The following B9D1 variants were observed in gnomAD, a reference collection of about 807,000 sequenced individuals.
B9D1 encodes B9 domain-containing protein 1.
A neutral mutation model predicts 26.1 loss-of-function variants in B9D1; 20 were observed. The observed-to-expected ratio is 0.77, with a 90% CI of 0.54 to 1.12. B9D1 has a LOEUF of 1.12. Among genes scored for constraint, B9D1 ranks in the 50% most tolerant of loss-of-function variants. The pLI, the probability that B9D1 is intolerant of heterozygous loss-of-function variation, is 0.00. For synonymous variants in B9D1, 105 were observed against 103.1 expected (o/e 1.02, Z -0.11); for missense variants, 260 against 273.7 (o/e 0.95, Z 0.35).
chr17:19,338,751 CCCCCATGAG>C (rs1907668685), downstream of B9D1, among the ~76,000 whole-genome samples: 1 of 152,196 alleles, frequency 6.6e-6, no homozygotes, highest in African/African-American at 2.4e-5. Flanking sequence ...CTGTCAGTAG[CCCCCATGAG>C]CCCCAGACAA....
chr17:19,350,433 C>T (rs919655190), intron 3 of B9D1, among the ~76,000 whole-genome samples: 1 of 151,966 alleles, frequency 6.6e-6, no homozygotes, highest in African/African-American at 2.4e-5. Context: ...GTAGTCCCAG[C>T]TACTCCGGAG....
chr17:19,340,129 G>A (rs1210278781), downstream of B9D1, among the ~76,000 whole-genome samples: 1 of 150,728 alleles, frequency 6.6e-6, no homozygotes, highest in African/African-American at 2.4e-5. Context: ...GATGCAAGGA[G>A]CTTTGTGAAG....
Position 19,370,549 on chromosome 17 carries a change from G to C in B9D1, c.-298+7310C>G, listed in dbSNP as rs1466676213. Among the ~76,000 whole-genome samples, 1 of 152,236 alleles carries C rather than the reference G, an allele frequency of 6.6e-6. No individual in the cohort carries two copies. Among genetic ancestry groups the C allele is most frequent in the Non-Finnish European group, 1.5e-5 (1 of 68,040 alleles). On this transcript the variant is annotated intron_variant, in intron 1 of 5. Transcript: ENST00000477478. This position sits in a 1 kb window ranked among gnomAD's most constrained non-coding sequence, Gnocchi z 5.1. The stretch of plus-strand genomic sequence containing the variant: ...ATGTCAGCCTCAGTGTGTTTGCTCA[G>C]CTGCTGGGCTCTCTTGGGACCATAG...
chr17:19,349,115 C>G (rs1163819781), intron 3 of B9D1, among the ~76,000 whole-genome samples: 1 of 152,202 alleles, frequency 6.6e-6, no homozygotes, highest in Non-Finnish European at 1.5e-5. Context: ...GCCAGCACTC[C>G]CCCAGCAGTG....
In B9D1 at chr17:19,347,783, C is replaced by T. The variant is rs1244263113; in HGVS notation, c.341+1G>A. The T allele has an allele frequency of 1.2e-6, 2 of 1,613,800 alleles. No homozygotes were observed. The highest frequency in any genetic ancestry group is 1.7e-5 in the Admixed American group (1 of 59,996). On this transcript the variant is annotated splice_donor_variant, in intron 4 of 6. Transcript: ENST00000261499. LOFTEE classifies it high-confidence loss of function. The surrounding 1 kb of genome is among the most constrained non-coding windows in gnomAD (Gnocchi z 4.3). ...GGGCCCAGGTCAGAATGAGGACCTA[C>T]CGGCCAGGTGAGAAGGGCACGTGCA...
At chr17:19,356,194 C>CAGT (rs1029981493) in intron 3 of B9D1, among the ~76,000 whole-genome samples, 8 of 151,948 alleles carry the variant, frequency 5.3e-5, no homozygotes, top group Non-Finnish European at 7.4e-5. Flanking sequence ...TAGGCTCCAG[C>CAGT]GATCCTTCTG....
rs923720138 is a variant in B9D1, at chr17:19,347,646, C to A, written c.341+138G>T. 6 of 857,300 alleles carry A rather than the reference C, an allele frequency of 7.0e-6. No homozygotes were observed. The East Asian group carries it at 1.6e-4, about 23-fold the overall frequency. 53.1% of individuals were successfully genotyped at this position (857,300 alleles called of 1,614,324 possible). On this transcript the variant is annotated intron_variant, in intron 4 of 6. Coordinates refer to ENST00000261499, the MANE Select transcript of B9D1 (RefSeq NM_015681.6). The surrounding 1 kb of genome is among the most constrained non-coding windows in gnomAD (Gnocchi z 4.3). ...TCTCCTCCCAAATACAGGCTACAAC[C>A]CCCCTGGCCACCAGGCTGAGCTGCC...
At chr17:19,336,700 A>T (rs1216480396), downstream of B9D1, 1 of 152,566 alleles carries the variant, frequency 6.6e-6, no homozygotes, top group Non-Finnish European at 1.5e-5. Flanking sequence ...AATATAATTT[A>T]TCATTTGTAC....
upstream of B9D1, among the ~76,000 whole-genome samples, chr17:19,366,392 G>C (rs1263524750): frequency 6.6e-6 from 1 of 151,996 alleles, no homozygotes; most frequent in Non-Finnish European, 1.5e-5. Context: ...GCTCTGCCCC[G>C]TCTCAGGTAA....
downstream of B9D1, chr17:19,334,847 G>A (rs774503978): frequency 1.3e-5 from 2 of 153,132 alleles, no homozygotes; most frequent in Non-Finnish European, 1.5e-5. The surrounding 1 kb of genome is among the most constrained non-coding windows in gnomAD (Gnocchi z 4.9). Flanking sequence ...CTATGCTTGT[G>A]TACCTTTGCA....
chr17:19,343,310 G>A lies in B9D1; in HGVS notation c.*9C>T, dbSNP rs1475102472. On this transcript the variant is annotated 3_prime_UTR_variant, in exon 7 of 7. Coordinates refer to ENST00000261499, the MANE Select transcript of B9D1 (RefSeq NM_015681.6). The stretch of plus-strand genomic sequence containing the variant: ...TTCATTATCAGAGACTGTGCAGCCT[G>A]TGGAGCCTTCACTGGGGGAAGCTCT... 4.3e-6 allele frequency: 7 copies of A among 1,614,148 alleles called. No individual in the cohort carries two copies. Among genetic ancestry groups the A allele is most frequent in the Non-Finnish European group, 5.9e-6 (7 of 1,180,018 alleles).
intron 1 of B9D1, among the ~76,000 whole-genome samples, chr17:19,377,406 C>T (rs1032494745): frequency 1.3e-5 from 2 of 152,144 alleles, no homozygotes; most frequent in African/African-American, 4.8e-5. Context: ...AAGTGAGGGA[C>T]CCCTCCAGTT....
upstream of B9D1, chr17:19,364,631 C>T: frequency 6.6e-6 from 1 of 152,476 alleles, no homozygotes; most frequent in Non-Finnish European, 1.5e-5. The surrounding 1 kb of genome is among the most constrained non-coding windows in gnomAD (Gnocchi z 4.3). Flanking sequence ...ACCCTCAGCC[C>T]AGCTGACATC....
chr17:19,346,939 A>G, intron 5 of B9D1: 1 of 1,472,094 alleles, frequency 6.8e-7, no homozygotes, highest in Non-Finnish European at 9.0e-7. Context: ...TGTCTGACTC[A>G]TACTGCTATA....
At chr17:19,350,197 G>C (rs962331642) in intron 3 of B9D1, among the ~76,000 whole-genome samples, 6 of 152,016 alleles carry the variant, frequency 3.9e-5, no homozygotes, top group Admixed American at 3.9e-4. Context: ...ATCACTTGAG[G>C]CCAGGAGTTC....
downstream of B9D1, chr17:19,343,090 G>A (rs1908162777): frequency 7.1e-7 from 1 of 1,414,878 alleles, no homozygotes; most frequent in African/African-American, 1.4e-5. Flanking sequence ...GAGAGCCCTG[G>A]AGGTGGGGCC....
Position 19,347,258 on chromosome 17 carries a change from A to G in B9D1, c.404+11T>C, listed in dbSNP as rs376444573. 10 of 1,614,128 alleles carry G rather than the reference A, an allele frequency of 6.2e-6. No homozygotes were observed. The African/African-American group carries it at 1.3e-4, about 22-fold the overall frequency. Reference sequence around the variant, plus strand: ...ATCAGGAGGGGCTGGGGTTATGGGTACAAAACTCACCTTGTAAACTTCTGC... The same window carrying G: ...ATCAGGAGGGGCTGGGGTTATGGGTGCAAAACTCACCTTGTAAACTTCTGC... On this transcript the variant is annotated intron_variant, in intron 5 of 6. Coordinates refer to ENST00000261499, the MANE Select transcript of B9D1 (RefSeq NM_015681.6). This position sits in a 1 kb window ranked among gnomAD's most constrained non-coding sequence, Gnocchi z 4.3.
At position 19,362,711 on chromosome 17, in the gene B9D1, G is replaced by A; in HGVS notation, c.-142C>T. ...ACCTTCGCGAAGGCCACGCGAGTGC[G>A]CGTGTGGCATGCGCAGGCGCAGTGA... On this transcript the variant is annotated 5_prime_UTR_variant, in exon 1 of 7. Coordinates refer to ENST00000261499, the MANE Select transcript of B9D1 (RefSeq NM_015681.6). The A allele has an allele frequency of 6.5e-7, 1 of 1,530,842 alleles. No homozygotes were observed. Among genetic ancestry groups the A allele is most frequent in the Middle Eastern group, 1.7e-4 (1 of 5,950 alleles). The allele number at this position is 1,530,842 out of a possible 1,614,324, so 94.8% of individuals were successfully genotyped here.
chr17:19,340,215 G>A (rs1598039247), downstream of B9D1, among the ~76,000 whole-genome samples: 1 of 152,046 alleles, frequency 6.6e-6, no homozygotes, highest in South Asian at 2.1e-4. Context: ...CTGTCGCCCC[G>A]GCTGGAGTGC....
Sources: allele counts gnomAD v4.1 joint callset (sites outside exome capture counted in the v4.1 genomes callset), GRCh38; gene constraint gnomAD v4.1.1; non-coding constraint Gnocchi (gnomAD v3.1); transcripts MANE v1.5; gene names NCBI Gene and HGNC (gene_info 2026-07-23, HGNC 2026-07-21).